Variants in SOX5 observed in about 807,000 individuals in gnomAD.
SOX5 encodes SRY-box transcription factor 5.
Under a neutral mutation model 92.0 loss-of-function variants are expected in SOX5, and 9 were observed. That is an observed-to-expected ratio of 0.10 (90% CI 0.06 to 0.17). SOX5 has a LOEUF of 0.17. Among genes scored for constraint, SOX5 ranks in the 10% least tolerant of loss-of-function variants. SOX5 has a pLI of 1.00. For synonymous variants in SOX5, 344 were observed against 336.3 expected, an observed-to-expected ratio of 1.02 and a Z score of -0.25; for missense variants, 642 against 944.5, an observed-to-expected ratio of 0.68 and a Z score of 4.20.
chr12:24,529,697 G>A (rs1463235809), intron 1 of SOX5, among the ~76,000 whole-genome samples: 3 of 152,078 alleles, frequency 2.0e-5, no homozygotes, highest in Non-Finnish European at 4.4e-5. Flanking sequence ...AAGAGTTATC[G>A]CTTGCAGAGC....
chr12:24,013,268 T>C (rs1367571637), intron 4 of SOX5, among the ~76,000 whole-genome samples: 3 of 152,162 alleles, frequency 2.0e-5, no homozygotes, highest in Admixed American at 1.3e-4. Context: ...AGAAGGCTAG[T>C]CTGAACAGTG....
intron 4 of SOX5, among the ~76,000 whole-genome samples, chr12:24,068,704 G>GTATATATATA (rs1164844032): frequency 3.5e-4 from 26 of 74,310 alleles, no homozygotes; most frequent in African/African-American, 1.4e-3. Context: ...GTGTGTGTGT[G>GTATATATATA]TATATATATA....
chr12:24,467,537 G>T (rs1396208512), intron 1 of SOX5, among the ~76,000 whole-genome samples: 2 of 152,118 alleles, frequency 1.3e-5, no homozygotes, highest in Non-Finnish European at 2.9e-5. Context: ...AAAAAAAATT[G>T]GTACGTGCAG....
intron 2 of SOX5, among the ~76,000 whole-genome samples, chr12:24,302,759 G>A (rs1290534319): frequency 2.6e-5 from 4 of 152,092 alleles, no homozygotes; most frequent in African/African-American, 4.8e-5. Flanking sequence ...TGTCATCATT[G>A]TTGCCCAGAA....
chr12:23,668,162 A>C (rs771547985), intron 6 of SOX5, among the ~76,000 whole-genome samples: 33 of 152,352 alleles, frequency 2.2e-4, no homozygotes, highest in Non-Finnish European at 2.8e-4. Flanking sequence ...TTGCTCAGGC[A>C]TGAGATATCC....
At chr12:23,883,170 G>T (rs2097018554) in intron 2 of SOX5, among the ~76,000 whole-genome samples, 1 of 148,462 alleles carries the variant, frequency 6.7e-6, no homozygotes, top group African/African-American at 2.5e-5. Context: ...GAGAGTGCGA[G>T]ACTCCATCTC....
At chr12:24,346,007 T>C (rs541455167) in intron 2 of SOX5, among the ~76,000 whole-genome samples, 1 of 152,344 alleles carries the variant, frequency 6.6e-6, no homozygotes, top group African/African-American at 2.4e-5. Flanking sequence ...ACCCTGTCTC[T>C]ATGTTGGCTT....
chr12:23,856,555 G>A (rs2096692077), intron 2 of SOX5, among the ~76,000 whole-genome samples: 2 of 152,060 alleles, frequency 1.3e-5, no homozygotes. Context: ...GTAGGAAATG[G>A]TAAATTGGAG....
chr12:24,343,766 T>A (rs530231427), intron 2 of SOX5, among the ~76,000 whole-genome samples: 17 of 151,966 alleles, frequency 1.1e-4, no homozygotes, highest in African/African-American at 4.1e-4. Flanking sequence ...AGGTAAGAAG[T>A]TGGAGGGGCT....
At chr12:24,020,013 T>C (rs1954103759) in intron 4 of SOX5, among the ~76,000 whole-genome samples, 1 of 152,214 alleles carries the variant, frequency 6.6e-6, no homozygotes, top group Non-Finnish European at 1.5e-5. Context: ...GCCCTTTTAG[T>C]AATTAAATCC....
At chr12:23,899,936 A>C (rs1409516648) in intron 1 of SOX5, among the ~76,000 whole-genome samples, 2 of 152,216 alleles carry the variant, frequency 1.3e-5, no homozygotes, top group Admixed American at 6.5e-5. Flanking sequence ...ATTATAGCTA[A>C]GTATCTGAGA....
intron 4 of SOX5, among the ~76,000 whole-genome samples, chr12:23,987,022 A>T (rs1194682408): frequency 1.3e-5 from 2 of 152,208 alleles, no homozygotes; most frequent in Non-Finnish European, 2.9e-5. Flanking sequence ...TCAGTTCATT[A>T]ACAGGTTTTA....
At chr12:23,564,463 A>G (rs1404785550) in intron 10 of SOX5, among the ~76,000 whole-genome samples, 1 of 152,190 alleles carries the variant, frequency 6.6e-6, no homozygotes, top group Non-Finnish European at 1.5e-5. Context: ...ACGAGGCTAA[A>G]TCTAACCAGA....
At chr12:23,676,248 G>A (rs973413832) in intron 6 of SOX5, among the ~76,000 whole-genome samples, 1 of 152,036 alleles carries the variant, frequency 6.6e-6, no homozygotes, top group Non-Finnish European at 1.5e-5. Context: ...AATTATGTGA[G>A]GTGATGGACA....
intron 7 of SOX5, among the ~76,000 whole-genome samples, chr12:23,659,886 G>A (rs545166567): frequency 3.3e-4 from 50 of 152,294 alleles, no homozygotes; most frequent in South Asian, 1.9e-3. Flanking sequence ...AGAATCTCTT[G>A]AACCTGGGAG....
rs144603666 is a variant in SOX5, at chr12:24,164,766, C to G, written c.-2+48577G>C. 1.6e-3 allele frequency among the ~76,000 whole-genome samples: 244 copies of G among 152,140 alleles called. 2 individuals carry two copies. Among genetic ancestry groups the G allele is most frequent in the African/African-American group, 5.7e-3 (235 of 41,556 alleles). ...AATATATTATTGCTTCATTCCCCTA[C>G]TTTTCTGTTTTAAATTATGAATTGT... is the stretch of plus-strand genomic sequence containing the variant. On this transcript the variant is annotated intron_variant, in intron 4 of 4. Coordinates refer to the SOX5 transcript ENST00000446891.
intron 9 of SOX5, among the ~76,000 whole-genome samples, chr12:23,603,602 C>A (rs2074852705): frequency 6.6e-6 from 1 of 151,364 alleles, no homozygotes; most frequent in Non-Finnish European, 1.5e-5. Flanking sequence ...GCATGGAAAG[C>A]TTAATATATT....
chr12:23,831,964 A>G (rs1339277459), intron 3 of SOX5, among the ~76,000 whole-genome samples: 1 of 151,378 alleles, frequency 6.6e-6, no homozygotes, highest in Non-Finnish European at 1.5e-5. Flanking sequence ...AACTACACAC[A>G]CACACACACA....
At chr12:23,704,446 GC>G (rs2091092620) in intron 6 of SOX5, among the ~76,000 whole-genome samples, 1 of 151,426 alleles carries the variant, frequency 6.6e-6, no homozygotes, top group African/African-American at 2.4e-5. Context: ...TTATTATAAA[GC>G]CATAGCCTTA....
Sources: allele counts gnomAD v4.1 joint callset (sites outside exome capture counted in the v4.1 genomes callset), GRCh38; gene constraint gnomAD v4.1.1; transcripts MANE v1.5; gene names NCBI Gene and HGNC (gene_info 2026-07-23, HGNC 2026-07-21).